SPG21: variants seen among roughly 807,000 people sequenced by gnomAD.
SPG21 encodes SPG21 abhydrolase domain containing, maspardin.
SPG21 carries 26 observed loss-of-function variants against 38.9 expected under a neutral mutation model. The observed-to-expected ratio is 0.67, with a 90% CI of 0.49 to 0.93. The LOEUF (loss-of-function observed/expected upper bound fraction) is 0.93. Ranked by LOEUF, SPG21 falls within the 40% of genes least tolerant of loss-of-function variation. The pLI is 0.00. For missense variants in SPG21, 333 were observed against 376.5 expected, an observed-to-expected ratio of 0.88 and a Z score of 0.96; for synonymous variants, 136 against 128.9, an observed-to-expected ratio of 1.05 and a Z score of -0.37.
chr15:64,983,706 A>G, intron 1 of SPG21, 113 bp from the exon 2 acceptor site: 1 of 722,600 alleles, frequency 1.4e-6, no homozygotes, highest in South Asian at 1.6e-5. Context: ...AGCCAAGGAA[A>G]CTGGCTATTT....
chr15:64,972,080 C>T (rs945089430), intron 5 of SPG21, among the ~76,000 whole-genome samples: 7 of 152,132 alleles, frequency 4.6e-5, no homozygotes, highest in South Asian at 4.1e-4. Context: ...AAACCTATGA[C>T]GAAAATTACT....
intron 8 of SPG21, 78 bp downstream of exon 8, chr15:64,965,242 C>G (rs1239127255): frequency 6.3e-7 from 1 of 1,575,586 alleles, no homozygotes; most frequent in Non-Finnish European, 8.7e-7. Flanking sequence ...GATTCCCTAA[C>G]TAGTCCATTA....
chr15:64,971,842 AT>A (rs1267619127), intron 5 of SPG21, among the ~76,000 whole-genome samples: 1 of 151,592 alleles, frequency 6.6e-6, no homozygotes, highest in African/African-American at 2.4e-5. Flanking sequence ...AAAAAAGAAA[AT>A]TTTTTTTCTG....
At chr15:64,982,278 G>T (rs542088853) in intron 2 of SPG21, among the ~76,000 whole-genome samples, 1 of 151,292 alleles carries the variant, frequency 6.6e-6, no homozygotes, top group Non-Finnish European at 1.5e-5. Context: ...CTGAGTGTCC[G>T]GGACTACAGG....
intron 3 of SPG21, among the ~76,000 whole-genome samples, chr15:64,980,553 AC>A (rs1340996987): frequency 4.6e-5 from 7 of 152,052 alleles, no homozygotes; most frequent in Non-Finnish European, 8.8e-5. Context: ...CCTGGCCAAC[AC>A]GGCGAAACCC....
At position 64,986,282 on chromosome 15, in the gene SPG21, C is replaced by T. The variant is rs556532179; in HGVS notation, c.-24-2689G>A. Among the ~76,000 whole-genome samples the T allele has an allele frequency of 7.9e-5, 12 of 152,344 alleles. No individual in the cohort carries two copies. The South Asian group carries it at 1.9e-3, about 24-fold the overall frequency. On this transcript the variant is annotated intron_variant, in intron 1 of 8. Transcript: ENST00000204566. ...TCAGGAGGGTGAGGCAGGAGAATCA[C>T]TTGAACCCGGGAGGCAGAGGTTGCG...
chr15:64,984,118 C>A (rs2085940806), intron 1 of SPG21, among the ~76,000 whole-genome samples: 2 of 152,008 alleles, frequency 1.3e-5, no homozygotes, highest in Admixed American at 1.3e-4. Flanking sequence ...ATTCCAACAC[C>A]CTTAGTTCTT....
chr15:64,970,325 A>G, intron 5 of SPG21, 103 bp from the exon 6 acceptor site: 1 of 1,010,748 alleles, frequency 9.9e-7, no homozygotes, highest in South Asian at 1.3e-5. Context: ...TAGAAATAAA[A>G]AGTCCTAATC....
intron 2 of SPG21, chr15:64,982,799 A>G (rs1388976725): frequency 6.6e-6 from 1 of 152,230 alleles, no homozygotes; most frequent in Non-Finnish European, 1.5e-5. Context: ...CAGAATGAGT[A>G]TGTCATTGCA....
At chr15:64,980,415 A>T (rs375903152) in intron 3 of SPG21, among the ~76,000 whole-genome samples, 1 of 152,128 alleles carries the variant, frequency 6.6e-6, no homozygotes, top group South Asian at 2.1e-4. Flanking sequence ...TCACATATTA[A>T]AATAAGCAAA....
chr15:64,977,072 CTGTT>C (rs1377043933), intron 3 of SPG21, among the ~76,000 whole-genome samples: 6 of 151,980 alleles, frequency 3.9e-5, no homozygotes, highest in Non-Finnish European at 7.4e-5. Context: ...TTTGGGGTGT[CTGTT>C]TGTTTCTTGA....
intron 6 of SPG21, among the ~76,000 whole-genome samples, chr15:64,969,568 G>A (rs1234893762): frequency 6.6e-6 from 1 of 152,058 alleles, no homozygotes; most frequent in Non-Finnish European, 1.5e-5. Context: ...TGGAAACCTG[G>A]GTACAAACCA....
chr15:64,981,155 A>G, intron 2 of SPG21, 130 bp from the exon 3 acceptor site: 1 of 1,078,590 alleles, frequency 9.3e-7, no homozygotes. Context: ...TGGAGCTCAC[A>G]CCAGATTAGC....
intron 5 of SPG21, among the ~76,000 whole-genome samples, chr15:64,971,063 T>TA (rs1049336088): frequency 6.6e-5 from 10 of 151,486 alleles, no homozygotes; most frequent in East Asian, 1.9e-4. Context: ...TTAAAAAATT[T>TA]AAAAAAAAAC....
In SPG21 at chr15:64,972,706, C is replaced by A. The variant is rs528046312; in HGVS notation, c.452+1896G>T. On this transcript the variant is annotated intron_variant, in intron 5 of 8. Coordinates refer to ENST00000204566, the MANE Select transcript of SPG21 (RefSeq NM_016630.7). Reference sequence around the variant, plus strand: ...AATTAGCCAGGCATGGTGGCGGGCGCCTGTAGTCCCAGCTATTCGGGAGGC... The same window carrying A: ...AATTAGCCAGGCATGGTGGCGGGCGACTGTAGTCCCAGCTATTCGGGAGGC... Among the ~76,000 whole-genome samples, 4 of 152,280 alleles carry A rather than the reference C, an allele frequency of 2.6e-5. No individual in the cohort carries two copies. In the East Asian group the frequency reaches 7.7e-4, roughly 29 times the overall value.
rs2086075414 is a variant in SPG21 at position 64,989,662 on chromosome 15, C to T, written c.-25+3G>A. 1 of 152,604 alleles carries T rather than the reference C, an allele frequency of 6.6e-6. No homozygotes were observed. Among genetic ancestry groups the T allele is most frequent in the South Asian group, 2.1e-4 (1 of 4,846 alleles). 9.5% of individuals were successfully genotyped at this position (152,604 alleles called of 1,614,324 possible). On this transcript the variant is annotated splice_donor_region_variant and intron_variant, in intron 1 of 8. Transcript: ENST00000204566. ...CGCTTCCCAGGGCTTCGCCCACCCT[C>T]ACCTGCCGTGGCCGCCCCCACGTCC...
At chr15:64,965,275 CAT>C (rs771735050) in intron 8 of SPG21, 43 bp downstream of exon 8, 6 of 1,613,932 alleles carry the variant, frequency 3.7e-6, no homozygotes, top group Admixed American at 1.7e-5. Flanking sequence ...ATGTTGCAAA[CAT>C]ATGTTGGGCT....
intron 2 of SPG21, among the ~76,000 whole-genome samples, chr15:64,982,142 CTTTTTTTT>C (rs56118434): frequency 4.4e-5 from 5 of 114,626 alleles, no homozygotes; most frequent in Non-Finnish European, 8.5e-5. Context: ...CTTTTCTTTT[CTTTTTTTT>C]TTTTTTTTTT....
chr15:64,981,237 T>C (rs931056995), intron 2 of SPG21: 7 of 566,608 alleles, frequency 1.2e-5, no homozygotes, highest in East Asian at 3.1e-5. Context: ...TACTTAGAAC[T>C]ACTTTATAAT....
Sources: allele counts gnomAD v4.1 joint callset (sites outside exome capture counted in the v4.1 genomes callset), GRCh38; gene constraint gnomAD v4.1.1; transcripts MANE v1.5; gene names NCBI Gene and HGNC (gene_info 2026-07-23, HGNC 2026-07-21).